PLCE1: variants seen among roughly 807,000 people sequenced by gnomAD.
PLCE1 encodes phospholipase C epsilon 1, also known as 1-phosphatidylinositol 4,5-bisphosphate phosphodiesterase epsilon-1.
A neutral mutation model predicts 242.8 loss-of-function variants in PLCE1; 119 were observed. The observed-to-expected ratio is 0.49, with a 90% CI of 0.42 to 0.57. The LOEUF (loss-of-function observed/expected upper bound fraction) is 0.57. PLCE1 is among the 20% of genes least tolerant of loss of function. The pLI is 0.00. For synonymous variants in PLCE1, 945 were observed against 1,017.4 expected (o/e 0.93, Z 1.35); for missense variants, 2,441 against 2,788.8 (o/e 0.88, Z 2.81).
chr10:94,015,834 G>A (rs1435797409), intron 1 of PLCE1, among the ~76,000 whole-genome samples: 8 of 152,174 alleles, frequency 5.3e-5, no homozygotes, highest in Admixed American at 6.5e-5. Flanking sequence ...CTATTTGGCC[G>A]AATGAAATAT....
At chr10:94,302,642 G>A (rs35658839) in intron 24 of PLCE1, among the ~76,000 whole-genome samples, 2,815 of 152,118 alleles carry the variant, frequency 0.019, 31 homozygotes, top group South Asian at 0.041. Context: ...GGAACAATGG[G>A]TGAGGCCATC....
At chr10:94,086,610 ACT>A (rs1372717243) in intron 2 of PLCE1, among the ~76,000 whole-genome samples, 1 of 152,024 alleles carries the variant, frequency 6.6e-6, no homozygotes, top group Non-Finnish European at 1.5e-5. Context: ...ATATGTCTAC[ACT>A]CTCTGCAGTG....
At chr10:94,250,466 A>G (rs1469101493) in intron 8 of PLCE1, among the ~76,000 whole-genome samples, 1 of 152,024 alleles carries the variant, frequency 6.6e-6, no homozygotes, top group East Asian at 1.9e-4. Context: ...ACACCACTGC[A>G]CTCCAGCCTG....
At position 94,031,521 on chromosome 10, in the gene PLCE1, C is replaced by T. The variant is rs780946460; in HGVS notation, c.475C>T (p.Pro159Ser). The change falls in exon 2 of 33, where the codon CCT (proline) becomes TCT (serine). Residue 159 changes from proline to serine, a missense_variant. Pro to Ser is a moderately conservative substitution (Grantham distance 74). Around this residue, in one of 5 missense-constraint regions of PLCE1, gnomAD observed 393 missense variants for 378.5 expected, o/e 1.04. Transcript: ENST00000371380. The part of the protein sequence containing the change: ...FPGIQLELDR[P>S]SMGISPLGNQ... ...TGGAATTCAACTGGAACTAGACAGA[C>T]CTTCCATGGGCATTAGTCCTTTAGG... is the stretch of plus-strand genomic sequence containing the variant. 6.2e-7 allele frequency: 1 copy of T among 1,612,538 alleles called. No homozygotes were observed. The highest frequency in any genetic ancestry group is 8.5e-7 in the Non-Finnish European group (1 of 1,179,802).
At chr10:94,245,497 G>A (rs1386247285) in intron 7 of PLCE1, among the ~76,000 whole-genome samples, 3 of 143,556 alleles carry the variant, frequency 2.1e-5, no homozygotes, top group Non-Finnish European at 3.1e-5. Flanking sequence ...GTTATAAAAA[G>A]TTACTCAAAA....
intron 4 of PLCE1, among the ~76,000 whole-genome samples, chr10:94,212,478 G>C (rs1332930019): frequency 6.6e-6 from 1 of 152,122 alleles, no homozygotes. Context: ...GGATGGTCTT[G>C]ATCTCCTGAC....
chr10:94,258,704 C>T, intron 11 of PLCE1, 96 bp from the exon 12 acceptor site: 1 of 1,443,008 alleles, frequency 6.9e-7, no homozygotes. Flanking sequence ...TTGCACTCAT[C>T]CTTTTGCTCA....
chr10:94,295,759 A>G (rs952548605), intron 23 of PLCE1, among the ~76,000 whole-genome samples: 4 of 152,230 alleles, frequency 2.6e-5, no homozygotes, highest in African/African-American at 9.6e-5. Flanking sequence ...CTCCTTGTTC[A>G]TGGGCTGCAG....
intron 4 of PLCE1, among the ~76,000 whole-genome samples, chr10:94,200,081 T>C (rs1200306854): frequency 6.6e-6 from 1 of 152,222 alleles, no homozygotes; most frequent in Non-Finnish European, 1.5e-5. Context: ...ACAAAGATGG[T>C]TACATATAGA....
chr10:94,247,097 G>A (rs967719047), intron 8 of PLCE1, among the ~76,000 whole-genome samples: 2 of 134,194 alleles, frequency 1.5e-5, no homozygotes, highest in South Asian at 4.8e-4. Flanking sequence ...GGGCAACAGA[G>A]CAAGACTCTG....
intron 19 of PLCE1, among the ~76,000 whole-genome samples, chr10:94,277,417 A>G (rs1251868074): frequency 6.6e-6 from 1 of 152,122 alleles, no homozygotes; most frequent in Admixed American, 6.5e-5. Flanking sequence ...TTTCTACCCT[A>G]GAATAAGTAG....
chr10:94,162,606 G>C (rs1017472251), intron 3 of PLCE1, among the ~76,000 whole-genome samples: 3 of 152,072 alleles, frequency 2.0e-5, no homozygotes, highest in African/African-American at 4.8e-5. Flanking sequence ...CAAAAAACCA[G>C]CTCCTGGATT....
At chr10:94,319,889 A>AGAT (rs2053727073) in intron 29 of PLCE1, among the ~76,000 whole-genome samples, 1 of 39,462 alleles carries the variant, frequency 2.5e-5, no homozygotes, top group Non-Finnish European at 5.6e-5. Flanking sequence ...TTTTTTTTTG[A>AGAT]GATGGAGTCT....
intron 2 of PLCE1, among the ~76,000 whole-genome samples, chr10:94,098,542 C>T (rs2045400195): frequency 6.6e-6 from 1 of 152,076 alleles, no homozygotes; most frequent in African/African-American, 2.4e-5. Flanking sequence ...TTCAGACTTC[C>T]CTGATTGTCT....
intron 19 of PLCE1, among the ~76,000 whole-genome samples, chr10:94,274,563 AG>A (rs5787109): frequency 0.27 from 41,662 of 152,118 alleles, 5,791 homozygotes; most frequent in Middle Eastern, 0.38. Context: ...AGCCACTTTC[AG>A]GGGCTAAGCA....
At chr10:94,149,757 C>T (rs1244775382) in intron 3 of PLCE1, among the ~76,000 whole-genome samples, 1 of 152,050 alleles carries the variant, frequency 6.6e-6, no homozygotes, top group African/African-American at 2.4e-5. Flanking sequence ...CTTTGGCGCC[C>T]AGAGTCCATA....
intron 3 of PLCE1, among the ~76,000 whole-genome samples, chr10:94,137,588 T>A (rs1333668785): frequency 2.0e-5 from 3 of 152,220 alleles, no homozygotes; most frequent in Admixed American, 2.0e-4. Context: ...CTTCTCAAAT[T>A]GTTGCTGAGT....
At chr10:94,313,111 TAGCACTAGGCTAC>T in intron 27 of PLCE1, 130 bp from the exon 28 acceptor site, 3 of 864,130 alleles carry the variant, frequency 3.5e-6, no homozygotes, top group Non-Finnish European at 5.6e-6. Context: ...GTACCATTTG[TAGCACTAGGCTAC>T]AAATGGACTC....
At chr10:94,220,380 A>ATATATT (rs1342723786) in intron 4 of PLCE1, among the ~76,000 whole-genome samples, 2 of 33,886 alleles carry the variant, frequency 5.9e-5, no homozygotes, top group African/African-American at 1.0e-4. Context: ...AACATTTTAT[A>ATATATT]TATATATATA....
Sources: allele counts gnomAD v4.1 joint callset (sites outside exome capture counted in the v4.1 genomes callset), GRCh38; gene constraint gnomAD v4.1.1; regional missense constraint gnomAD v4.1.1; transcripts MANE v1.5; gene names NCBI Gene and HGNC (gene_info 2026-07-23, HGNC 2026-07-21).